SYNE1: variants seen among roughly 807,000 people sequenced by gnomAD.
SYNE1 encodes the protein nesprin-1.
SYNE1 carries 616 observed loss-of-function variants against 1,111.0 expected under a neutral mutation model. That is an observed-to-expected ratio of 0.55 (90% CI 0.52 to 0.59). The LOEUF is 0.59. Among genes scored for constraint, SYNE1 ranks in the 20% least tolerant of loss-of-function variants. SYNE1 has a pLI of 0.00. For synonymous variants in SYNE1, 3,855 were observed against 3,825.8 expected, an observed-to-expected ratio of 1.01 and a Z score of -0.28; for missense variants, 10,006 against 10,417.0, an observed-to-expected ratio of 0.96 and a Z score of 1.72.
intron 102 of SYNE1, among the ~76,000 whole-genome samples, chr6:152,256,157 G>A (rs1057041251): frequency 4.6e-5 from 7 of 151,652 alleles, no homozygotes; most frequent in African/African-American, 7.3e-5. Flanking sequence ...GCGGTGGCTC[G>A]CGCCTGTAAT....
intron 6 of SYNE1, among the ~76,000 whole-genome samples, chr6:152,512,785 C>G (rs1028658135): frequency 3.9e-5 from 6 of 152,154 alleles, no homozygotes; most frequent in Admixed American, 6.5e-5. Context: ...GTTGGTTTGT[C>G]TGTTTATTTA....
intron 78 of SYNE1, among the ~76,000 whole-genome samples, chr6:152,328,593 G>A (rs1554461359): frequency 6.7e-6 from 1 of 149,898 alleles, no homozygotes; most frequent in African/African-American, 2.5e-5. Context: ...TTTGTATTTA[G>A]TAGAGACAGG....
chr6:152,530,864 C>A (rs1479079465), intron 4 of SYNE1, among the ~76,000 whole-genome samples: 1 of 151,958 alleles, frequency 6.6e-6, no homozygotes, highest in Non-Finnish European at 1.5e-5. Flanking sequence ...ACCTCATGAT[C>A]TGCCCGCCTC....
chr6:152,306,723 A>AC (rs1229418233), intron 91 of SYNE1, among the ~76,000 whole-genome samples: 2 of 150,848 alleles, frequency 1.3e-5, no homozygotes, highest in Non-Finnish European at 3.0e-5. Flanking sequence ...TCTACAAAAA[A>AC]AAAAAATGCA....
Position 152,413,295 on chromosome 6 carries a change from C to G in SYNE1, c.6230+57G>C. ...CATCAACACAAAACAGGCAATGTCC[C>G]AATGTCACATAATAAGTGGGAAGCT... is the stretch of plus-strand genomic sequence containing the variant. On this transcript the variant is annotated intron_variant, in intron 42 of 145. Coordinates refer to ENST00000367255, the MANE Select transcript of SYNE1 (RefSeq NM_182961.4). 3.8e-6 allele frequency: 6 copies of G among 1,576,876 alleles called. No individual in the cohort carries two copies. In the South Asian group the frequency reaches 6.7e-5, roughly 17 times the overall value.
intron 43 of SYNE1, 131 bp downstream of exon 43, chr6:152,409,428 A>G: frequency 7.6e-7 from 1 of 1,321,226 alleles, no homozygotes; most frequent in Admixed American, 2.1e-5. Context: ...TAGGGGAAAA[A>G]AAGTTGAGCT....
rs2097216644 is a variant in SYNE1, at chr6:152,373,101, G to A, written c.9443C>T (p.Thr3148Ile). 5 of 1,614,090 alleles carry A rather than the reference G, an allele frequency of 3.1e-6. No individual in the cohort carries two copies. The highest frequency in any genetic ancestry group is 2.2e-5 in the East Asian group (1 of 44,880). ...EKAKGIQAKV[T>I]AAKEDWKNFH... ...ATTTTTCCAATCTTCTTTTGCAGCT[G>A]TAACTTTGGCCTGGATCCCTTTCGC... Residue 3148 changes from threonine to isoleucine, a missense_variant, in exon 59 of 146, where the codon ACA becomes ATA. Thr to Ile is a moderately conservative substitution (Grantham distance 89). Around this residue, in one of 7 missense-constraint regions of SYNE1, gnomAD observed 4,955 missense variants for 5,017.2 expected, o/e 0.99. Coordinates refer to ENST00000367255, the MANE Select transcript of SYNE1 (RefSeq NM_182961.4).
intron 51 of SYNE1, among the ~76,000 whole-genome samples, chr6:152,392,395 G>T (rs2097658096): frequency 6.6e-6 from 1 of 152,116 alleles, no homozygotes; most frequent in South Asian, 2.1e-4. Flanking sequence ...GCACTATGTG[G>T]CTTGGTTGGT....
rs769736021 is a variant in SYNE1, at chr6:152,268,145, G to C, written c.18726C>G (p.Ala6242=). ...QQQKELEQEL[A]EQKSLLRSVA... ...CTGAGCGAAGGAGACTCTTCTGCTC[G>C]GCTAATTCCTGTTCTAACTCCTGCT... Residue 6242 remains alanine, a synonymous_variant, in exon 100 of 146, where the codon GCC becomes GCG. Coordinates refer to ENST00000367255, the MANE Select transcript of SYNE1 (RefSeq NM_182961.4). 1.2e-6 allele frequency: 2 copies of C among 1,613,984 alleles called. No individual in the cohort carries two copies. The highest frequency in any genetic ancestry group is 1.1e-5 in the South Asian group (1 of 91,076).
chr6:152,278,047 T>G (rs1395285213), intron 98 of SYNE1, 42 bp downstream of exon 98: 1 of 1,608,436 alleles, frequency 6.2e-7, no homozygotes, highest in African/African-American at 1.3e-5. Context: ...ACGTGAACAG[T>G]GTGCCAACTT....
intron 3 of SYNE1, among the ~76,000 whole-genome samples, chr6:152,627,490 T>TGA (rs555612846): frequency 7.4e-6 from 1 of 134,376 alleles, no homozygotes; most frequent in East Asian, 2.2e-4. Flanking sequence ...ATATCTCTAC[T>TGA]AAAAAAAAAA....
chr6:152,242,499 G>A (rs757003472), intron 106 of SYNE1, 59 bp from the exon 107 acceptor site: 41 of 1,594,232 alleles, frequency 2.6e-5, no homozygotes, highest in Middle Eastern at 1.7e-4. Context: ...CCCTCTAAAA[G>A]CATATGAACT....
chr6:152,514,878 C>T (rs2099103682), intron 6 of SYNE1, among the ~76,000 whole-genome samples: 1 of 152,156 alleles, frequency 6.6e-6, no homozygotes, highest in African/African-American at 2.4e-5. Context: ...GTCTGTGATA[C>T]TCTGCTATGG....
At chr6:152,481,071 C>T (rs1311983839) in intron 14 of SYNE1, 1 of 279,956 alleles carries the variant, frequency 3.6e-6, no homozygotes, top group Admixed American at 4.9e-5. Context: ...GGACTCACTC[C>T]CCCGTAGGAG....
chr6:152,400,368 G>C (rs190638455), intron 47 of SYNE1, among the ~76,000 whole-genome samples: 1 of 152,228 alleles, frequency 6.6e-6, no homozygotes, highest in Non-Finnish European at 1.5e-5. Flanking sequence ...ATATGGATAG[G>C]AAACATGAAA....
At chr6:152,213,827 A>T in intron 122 of SYNE1, 68 bp from the exon 123 acceptor site, 1 of 1,594,360 alleles carries the variant, frequency 6.3e-7, no homozygotes, top group South Asian at 1.1e-5. Context: ...AGCATATAAA[A>T]CTAGATTAAA....
intron 55 of SYNE1, among the ~76,000 whole-genome samples, chr6:152,385,113 A>G (rs2097504305): frequency 6.6e-6 from 1 of 152,192 alleles, no homozygotes; most frequent in African/African-American, 2.4e-5. Context: ...GAAAATGATT[A>G]CAATTTAATA....
chr6:152,521,427 A>G (rs1161601207), intron 5 of SYNE1, among the ~76,000 whole-genome samples: 3 of 152,000 alleles, frequency 2.0e-5, no homozygotes, highest in Non-Finnish European at 4.4e-5. Flanking sequence ...GTAATATCAA[A>G]CTCTCCTAAA....
intron 76 of SYNE1, chr6:152,335,435 ACTTTT>A (rs1237122916): frequency 1.3e-5 from 2 of 152,178 alleles, no homozygotes; most frequent in Admixed American, 1.3e-4. Context: ...AATAAACAAA[ACTTTT>A]CTTATAAAAT....
Sources: gnomAD v4.1 joint callset for allele counts (sites outside exome capture counted in the v4.1 genomes callset) on GRCh38, gnomAD v4.1.1 for gene constraint, gnomAD v4.1.1 regional missense constraint, MANE v1.5 for transcripts, NCBI Gene and HGNC (gene_info 2026-07-23, HGNC 2026-07-21) for gene names.